Variants in ANTXR2 observed in about 807,000 individuals in gnomAD.
ANTXR2 encodes the protein ANTXR cell adhesion molecule 2.
Under a neutral mutation model 73.7 loss-of-function variants are expected in ANTXR2, and 44 were observed. That is an observed-to-expected ratio of 0.60 (90% CI 0.47 to 0.77). The LOEUF (loss-of-function observed/expected upper bound fraction) is 0.77, where lower values mean the gene tolerates loss of function less well. ANTXR2 is among the 30% of genes least tolerant of loss of function. ANTXR2 has a pLI of 0.00. For missense variants in ANTXR2, 604 were observed against 592.5 expected (o/e 1.02, Z -0.20); for synonymous variants, 217 against 205.9 (o/e 1.05, Z -0.46).
intron 8 of ANTXR2, 147 bp from the exon 9 acceptor site, chr4:80,033,717 T>C (rs1732814290): frequency 1.6e-6 from 1 of 616,018 alleles, no homozygotes; most frequent in South Asian, 2.3e-5. Context: ...TAGCTCTATA[T>C]TTCCAACTGT....
chr4:79,927,057 GTGTGTA>G (rs1484739617), intron 16 of ANTXR2, among the ~76,000 whole-genome samples: 3 of 96,744 alleles, frequency 3.1e-5, no homozygotes, highest in African/African-American at 8.3e-5. Flanking sequence ...GTGCGTGTGT[GTGTGTA>G]TATATATATA....
At chr4:80,014,781 A>G (rs995079124) in intron 11 of ANTXR2, among the ~76,000 whole-genome samples, 11 of 152,116 alleles carry the variant, frequency 7.2e-5, no homozygotes, top group African/African-American at 2.7e-4. Context: ...GGAGAAACCT[A>G]ACATCAGTGG....
intron 16 of ANTXR2, among the ~76,000 whole-genome samples, chr4:79,911,036 C>G (rs948117325): frequency 4.6e-5 from 7 of 152,182 alleles, no homozygotes; most frequent in Non-Finnish European, 7.3e-5. Flanking sequence ...ATAGCATCGT[C>G]CTTCAACTAT....
chr4:79,929,476 C>A (rs756063049), intron 16 of ANTXR2, among the ~76,000 whole-genome samples: 2 of 152,166 alleles, frequency 1.3e-5, no homozygotes, highest in Admixed American at 6.5e-5. Context: ...TGCGCCACTG[C>A]ACTCCAGGCT....
chr4:80,026,440 G>A (rs1732446856), intron 10 of ANTXR2, among the ~76,000 whole-genome samples: 1 of 152,130 alleles, frequency 6.6e-6, no homozygotes, highest in Admixed American at 6.5e-5. Flanking sequence ...ATAGCAGTGT[G>A]AGAACGGACT....
At position 80,003,497 on chromosome 4, in the gene ANTXR2, C is replaced by T. The variant is rs528351364; in HGVS notation, c.1041+5024G>A. Among the ~76,000 whole-genome samples, 58 of 151,566 alleles carry T rather than the reference C, an allele frequency of 3.8e-4. 1 individual carries two copies. The highest frequency in any genetic ancestry group is 1.4e-3 in the African/African-American group (56 of 41,344). Reference sequence around the variant, plus strand: ...TAATGGGTGCAGCACACCAGCATGGCACATGTATACATATGTAACTAACCT... The same window carrying T: ...TAATGGGTGCAGCACACCAGCATGGTACATGTATACATATGTAACTAACCT... On this transcript the variant is annotated intron_variant, in intron 12 of 16. Transcript: ENST00000403729.
At chr4:79,966,848 C>T (rs148170558) in intron 16 of ANTXR2, among the ~76,000 whole-genome samples, 56 of 152,236 alleles carry the variant, frequency 3.7e-4, no homozygotes, top group African/African-American at 1.2e-3. Context: ...CTTTTTGGCA[C>T]AAGTTGCCTT....
In ANTXR2 at chr4:79,912,798, AT is replaced by A. The variant is rs752877476; in HGVS notation, c.1429-5332del. 6.6e-5 allele frequency among the ~76,000 whole-genome samples: 10 copies of A among 152,230 alleles called. No homozygotes were observed. The South Asian group carries it at 8.3e-4, about 13-fold the overall frequency. On this transcript the variant is annotated intron_variant, in intron 16 of 16. Coordinates refer to ENST00000403729, the MANE Select transcript of ANTXR2 (RefSeq NM_058172.6). ...CAACAATCAGAGACTAGTTGAATAA[AT>A]TCAGATTCATCTATTTTACTCTATT...
At chr4:79,925,161 G>GT (rs1408653141) in intron 16 of ANTXR2, among the ~76,000 whole-genome samples, 1 of 152,056 alleles carries the variant, frequency 6.6e-6, no homozygotes, top group African/African-American at 2.4e-5. Flanking sequence ...CTGGACAACT[G>GT]TATCAGCATT....
At position 79,902,609 on chromosome 4, in the gene ANTXR2, C is replaced by A. The variant is rs1039121767; in HGVS notation, c.*4820G>T. Reference sequence around the variant, plus strand: ...ATACATTTCCCAATGTTTTACCCATCTTTTTAGAGATTTCATCAGATATAA... The same window carrying A: ...ATACATTTCCCAATGTTTTACCCATATTTTTAGAGATTTCATCAGATATAA... On this transcript the variant is annotated 3_prime_UTR_variant, in exon 17 of 17. Coordinates refer to ENST00000403729, the MANE Select transcript of ANTXR2 (RefSeq NM_058172.6). 1.3e-5 allele frequency: 2 copies of A among 152,018 alleles called. No individual in the cohort carries two copies. The highest frequency in any genetic ancestry group is 2.9e-5 in the Non-Finnish European group (2 of 67,998). The allele number at this position is 152,018 out of a possible 1,614,324, so 9.4% of individuals were successfully genotyped here.
At chr4:79,928,889 T>C (rs1452460457) in intron 16 of ANTXR2, among the ~76,000 whole-genome samples, 1 of 152,214 alleles carries the variant, frequency 6.6e-6, no homozygotes, top group Non-Finnish European at 1.5e-5. Context: ...AGAAAATACC[T>C]GACATTTCAA....
rs1024940551 is a variant in ANTXR2 at position 80,054,372 on chromosome 4, A to T, written c.556-20T>A. ...TTCAAGCTTTAGAAAGAAGAGGAAG[A>T]CTTAATTAAGGAGTGGCTGACACAT... On this transcript the variant is annotated intron_variant, in intron 6 of 16. Coordinates refer to ENST00000403729, the MANE Select transcript of ANTXR2 (RefSeq NM_058172.6). 3.2e-6 allele frequency: 5 copies of T among 1,551,154 alleles called. No homozygotes were observed. The African/African-American group carries it at 4.2e-5, about 13-fold the overall frequency.
At chr4:80,022,815 T>C (rs887758776) in intron 10 of ANTXR2, among the ~76,000 whole-genome samples, 2 of 152,180 alleles carry the variant, frequency 1.3e-5, no homozygotes, top group Non-Finnish European at 2.9e-5. Flanking sequence ...AAAAGGGCAT[T>C]TGGGCGAAAC....
rs1726775686 is a variant in ANTXR2, at chr4:79,903,220, G to C, written c.*4209C>G. On this transcript the variant is annotated 3_prime_UTR_variant, in exon 17 of 17. Transcript: ENST00000403729. ...ATCTTCATTCCATCTTCAGTCTATGGTTGAGAGTTGATCTGTTCAACATCA... is the reference window on the plus strand; with the variant it reads ...ATCTTCATTCCATCTTCAGTCTATGCTTGAGAGTTGATCTGTTCAACATCA... The C allele has an allele frequency of 6.6e-6, 1 of 151,948 alleles. No individual in the cohort carries two copies. Among genetic ancestry groups the C allele is most frequent in the Non-Finnish European group, 1.5e-5 (1 of 68,018 alleles). The allele number at this position is 151,948 out of a possible 1,614,324, so 9.4% of individuals were successfully genotyped here. A position where few individuals can be genotyped will look rare whatever the true frequency, so the allele number is the denominator to read the frequency against.
At chr4:79,907,581 T>A in intron 16 of ANTXR2, 114 bp from the exon 17 acceptor site, 1 of 1,180,748 alleles carries the variant, frequency 8.5e-7, no homozygotes, top group South Asian at 1.3e-5. Context: ...AAGTACCATG[T>A]TAACTTGAGA....
intron 12 of ANTXR2, among the ~76,000 whole-genome samples, chr4:79,995,391 A>G (rs1490867404): frequency 6.6e-6 from 1 of 152,010 alleles, no homozygotes; most frequent in Non-Finnish European, 1.5e-5. Context: ...ATATACAAAA[A>G]TAATACACAG....
chr4:79,907,399 T>A lies in ANTXR2; in HGVS notation c.*30A>T, dbSNP rs376889055. The A allele has an allele frequency of 2.5e-6, 4 of 1,607,728 alleles. No homozygotes were observed. The African/African-American group carries it at 4.0e-5, about 16-fold the overall frequency. ...TCAGCTATGTGAAAATGTGCCATCT[T>A]CGTACCTTCTTGGTCTTCCTGCTTC... On this transcript the variant is annotated 3_prime_UTR_variant, in exon 17 of 17. Coordinates refer to ENST00000403729, the MANE Select transcript of ANTXR2 (RefSeq NM_058172.6).
chr4:80,067,682 T>A (rs1447401105), intron 3 of ANTXR2, among the ~76,000 whole-genome samples: 3 of 100,460 alleles, frequency 3.0e-5, no homozygotes, highest in Non-Finnish European at 5.7e-5. Context: ...CTCTGGCTCC[T>A]GATGAGATTC....
At position 80,011,108 on chromosome 4, in the gene ANTXR2, C is replaced by A. The variant is rs552249180; in HGVS notation, c.946-2492G>T. Among the ~76,000 whole-genome samples, 62 of 151,524 alleles carry A rather than the reference C, an allele frequency of 4.1e-4. 1 individual carries two copies. In the South Asian group the frequency reaches 0.013, roughly 31 times the overall value. Reference sequence around the variant, plus strand: ...GTTGCAGTGAGCCAAGATCATGCCACGCACTCCAGCCTGGGCGACAGAGAA... The same window carrying A: ...GTTGCAGTGAGCCAAGATCATGCCAAGCACTCCAGCCTGGGCGACAGAGAA... On this transcript the variant is annotated intron_variant, in intron 11 of 16. Transcript: ENST00000403729.
Sources: gnomAD v4.1 joint callset for allele counts (sites outside exome capture counted in the v4.1 genomes callset) on GRCh38, gnomAD v4.1.1 for gene constraint, MANE v1.5 for transcripts, NCBI Gene and HGNC (gene_info 2026-07-23, HGNC 2026-07-21) for gene names.